The following NONO variants were observed in gnomAD, a reference collection of about 807,000 sequenced individuals.
NONO encodes the protein non-POU domain-containing octamer-binding protein.
A neutral mutation model predicts 40.2 loss-of-function variants in NONO; 6 were observed. The observed-to-expected ratio is 0.15, with a 90% CI of 0.08 to 0.29. The LOEUF (loss-of-function observed/expected upper bound fraction) is 0.29. NONO is among the 10% of genes least tolerant of loss of function. NONO has a pLI of 1.00. For synonymous variants in NONO, 89 were observed against 123.3 expected (o/e 0.72, Z 1.85); for missense variants, 133 against 397.8 (o/e 0.33, Z 5.66).
At chrX:71,293,470 C>T (rs2031368912) in intron 4 of NONO, among the ~76,000 whole-genome samples, 1 of 108,979 alleles carries the variant, frequency 9.2e-6, no homozygotes, top group African/African-American at 3.3e-5. Context: ...GTAATCCCAC[C>T]TGCTCAGGAG....
chrX:71,288,750 A>G (rs1247435972), intron 2 of NONO, among the ~76,000 whole-genome samples: 2 of 112,813 alleles, frequency 1.8e-5, no homozygotes, highest in African/African-American at 6.4e-5. Context: ...ACTGTAATTA[A>G]TAAATATTTA....
At chrX:71,293,010 G>A (rs919837938) in intron 4 of NONO, 10 of 112,200 alleles carry the variant, frequency 8.9e-5, no homozygotes, top group Non-Finnish European at 1.3e-4. Flanking sequence ...TATCTTAACC[G>A]TTTGTAAGTG....
intron 3 of NONO, among the ~76,000 whole-genome samples, chrX:71,291,070 GAGGT>G (rs772242964): frequency 1.8e-5 from 2 of 112,620 alleles, no homozygotes; most frequent in East Asian, 5.5e-4. Flanking sequence ...TTGGTTCTTA[GAGGT>G]AGTCATCAGA....
rs761467003 is a variant in NONO at position 71,297,065 on chromosome X, A to C, written c.943+18A>C. On this transcript the variant is annotated intron_variant, in intron 7 of 11. Transcript: ENST00000276079. ...GAGACAGGGTGAGTCTAGGCCTGTA[A>C]GTCTTAAAGCTGAAAGGACAAAATG... The C allele has an allele frequency of 1.9e-4, 213 of 1,145,194 alleles. 2 individuals carry two copies. Among genetic ancestry groups the C allele is most frequent in the Non-Finnish European group, 2.3e-4 (198 of 856,628 alleles). The allele number at this position is 1,145,194 out of a possible 1,213,427, so 94.4% of individuals were successfully genotyped here.
At chrX:71,292,675 G>GT (rs1007635408) in intron 4 of NONO, 4 of 112,061 alleles carry the variant, frequency 3.6e-5, no homozygotes, top group African/African-American at 1.3e-4. Flanking sequence ...ATCTCACCAT[G>GT]TTGCCTTGGC....
rs747669921 is a variant in NONO, at chrX:71,299,938, T to G, written c.1282-4T>G. ...TACAGTGTTGCTCTCTTTTTCTCTT[T>G]AAGACCCCACCAACAACTGAACGCT... On this transcript the variant is annotated splice_region_variant and splice_polypyrimidine_tract_variant and intron_variant, in intron 11 of 11. Transcript: ENST00000276079. 15 of 1,209,275 alleles carry G rather than the reference T, an allele frequency of 1.2e-5. No homozygotes were observed. Among genetic ancestry groups the G allele is most frequent in the Non-Finnish European group, 1.7e-5 (15 of 894,950 alleles).
At chrX:71,284,735 A>G (rs2031151465) in intron 2 of NONO, among the ~76,000 whole-genome samples, 1 of 112,023 alleles carries the variant, frequency 8.9e-6, no homozygotes, top group Admixed American at 9.5e-5. Flanking sequence ...TACAGCTTTC[A>G]GGCTGGCCAT....
Position 71,298,610 on chromosome X carries a change from C to T in NONO, c.1172-97C>T, listed in dbSNP as rs1197696652. 4 of 1,048,902 alleles carry T rather than the reference C, an allele frequency of 3.8e-6. No homozygotes were observed. In the African/African-American group the frequency reaches 5.6e-5, roughly 15 times the overall value. 86.4% of individuals were successfully genotyped at this position (1,048,902 alleles called of 1,213,427 possible). ...TACTTTAAGGGGGTGACATATATGT[C>T]TTACTTAGCCCAGAGGTCTTGTTGA... On this transcript the variant is annotated intron_variant, in intron 10 of 11. Transcript: ENST00000276079.
chrX:71,296,962 C>T lies in NONO; in HGVS notation c.858C>T (p.Asp286=), dbSNP rs148535107. 9 of 1,208,290 alleles carry T rather than the reference C, an allele frequency of 7.4e-6. No homozygotes were observed. In the East Asian group the frequency reaches 2.4e-4, roughly 32 times the overall value. ...AGAAGCAGCAGCAGGACCAAGTGGA[C>T]CGCAACATCAAGGAGGCTCGTGAGA... The part of the protein sequence containing the change: ...EMEKQQQDQV[D]RNIKEAREKL... Residue 286 remains aspartate, a synonymous_variant, in exon 7 of 12, where the codon GAC becomes GAT. Coordinates refer to ENST00000276079, the MANE Select transcript of NONO (RefSeq NM_007363.5).
intron 9 of NONO, 23 bp from the exon 10 acceptor site, chrX:71,298,446 C>T (rs1602390483): frequency 8.3e-7 from 1 of 1,200,453 alleles, no homozygotes; most frequent in Non-Finnish European, 1.1e-6. Flanking sequence ...CTTGGACTGT[C>T]TTGAGTATTT....
At chrX:71,285,146 C>T (rs1030498335) in intron 2 of NONO, 6 of 112,091 alleles carry the variant, frequency 5.4e-5, no homozygotes, top group Non-Finnish European at 9.4e-5. Context: ...TTATGATAGT[C>T]TTCACTAGTG....
At chrX:71,294,788 G>A (rs1326669253) in intron 5 of NONO, among the ~76,000 whole-genome samples, 2 of 111,516 alleles carry the variant, frequency 1.8e-5, no homozygotes, top group East Asian at 2.8e-4. Flanking sequence ...ACATGGTGGC[G>A]TGTGCCTGTA....
chrX:71,285,859 G>A (rs982533608), intron 2 of NONO, among the ~76,000 whole-genome samples: 13 of 111,929 alleles, frequency 1.2e-4, no homozygotes, highest in Admixed American at 1.1e-3. Context: ...CAACACAATA[G>A]GGACTTGGTT....
At chrX:71,291,657 A>G (rs915689367) in intron 3 of NONO, 122 bp from the exon 4 acceptor site, 1 of 538,560 alleles carries the variant, frequency 1.9e-6, no homozygotes, top group African/African-American at 2.4e-5. Flanking sequence ...GCCTTGGGAA[A>G]TGGTGTTTAC....
intron 2 of NONO, 124 bp from the exon 3 acceptor site, chrX:71,290,504 CA>C (rs2031300470): frequency 2.0e-6 from 1 of 492,538 alleles, no homozygotes; most frequent in Non-Finnish European, 3.4e-6. Flanking sequence ...TTCAAAGTAA[CA>C]AATTGTTTGC....
intron 4 of NONO, 164 bp from the exon 5 acceptor site, chrX:71,294,062 TG>T: frequency 2.0e-6 from 1 of 488,472 alleles, no homozygotes; most frequent in African/African-American, 2.4e-5. Context: ...CAAACTAGGG[TG>T]GCCAAAGAGC....
chrX:71,289,966 A>G (rs979197483), intron 2 of NONO, among the ~76,000 whole-genome samples: 1 of 110,869 alleles, frequency 9.0e-6, no homozygotes, highest in African/African-American at 3.3e-5. Flanking sequence ...ATGTGGTTTC[A>G]CCATGTTGGC....
Position 71,296,553 on chromosome X carries a change from T to C in NONO, c.651-12T>C. 1.7e-6 allele frequency: 2 copies of C among 1,168,395 alleles called. No individual in the cohort carries two copies. Among genetic ancestry groups the C allele is most frequent in the South Asian group, 3.7e-5 (2 of 53,517 alleles). On this transcript the variant is annotated splice_polypyrimidine_tract_variant and intron_variant, in intron 5 of 11. Transcript: ENST00000276079. ...TGATTTGATTAACACTGAACTTTGT[T>C]CTTTCTTCCAGATTTCCTCGTCCTG...
rs1057118411 is a variant in NONO at position 71,296,503 on chromosome X, T to C, written c.651-62T>C. ...GCTAATTCATTGTGCCAGTGACATG[T>C]GTAGAGAAGAAGCCTGGTGGGGTAT... On this transcript the variant is annotated intron_variant, in intron 5 of 11. Coordinates refer to ENST00000276079, the MANE Select transcript of NONO (RefSeq NM_007363.5). The C allele has an allele frequency of 1.1e-5, 8 of 754,816 alleles. No homozygotes were observed. The African/African-American group carries it at 1.5e-4, about 14-fold the overall frequency. The allele number at this position is 754,816 out of a possible 1,213,427, so 62.2% of individuals were successfully genotyped here.
Sources: allele counts gnomAD v4.1 joint callset (sites outside exome capture counted in the v4.1 genomes callset), GRCh38; gene constraint gnomAD v4.1.1; transcripts MANE v1.5; gene names NCBI Gene and HGNC (gene_info 2026-07-23, HGNC 2026-07-21).